Variants in POLH observed in about 807,000 individuals in gnomAD.
POLH encodes DNA polymerase eta transcript.
A neutral mutation model predicts 73.6 loss-of-function variants in POLH; 53 were observed. That is an observed-to-expected ratio of 0.72 (90% CI 0.58 to 0.91). The LOEUF is 0.91. POLH is among the 40% of genes least tolerant of loss of function. The pLI, the probability that POLH is intolerant of heterozygous loss-of-function variation, is 0.00. For synonymous variants in POLH, 292 were observed against 308.5 expected (o/e 0.95, Z 0.56); for missense variants, 768 against 865.4 (o/e 0.89, Z 1.41).
intron 1 of POLH, among the ~76,000 whole-genome samples, chr6:43,577,420 A>G (rs1763488924): frequency 6.6e-6 from 1 of 152,180 alleles, no homozygotes; most frequent in Non-Finnish European, 1.5e-5. Context: ...CTGTTCCAGT[A>G]CTACTGAAAA....
chr6:43,586,221 G>A (rs1764805675), intron 3 of POLH, among the ~76,000 whole-genome samples: 1 of 152,108 alleles, frequency 6.6e-6, no homozygotes, highest in South Asian at 2.1e-4. Context: ...GCTCACGCCG[G>A]TAATCCCAGC....
chr6:43,590,125 G>A (rs533460260), intron 4 of POLH, among the ~76,000 whole-genome samples: 62 of 151,314 alleles, frequency 4.1e-4, no homozygotes, highest in Non-Finnish European at 7.2e-4. Context: ...TTGGGAGGCC[G>A]AGGTGGGTGG....
At chr6:43,599,971 C>T (rs935186582) in intron 5 of POLH, among the ~76,000 whole-genome samples, 2 of 151,800 alleles carry the variant, frequency 1.3e-5, no homozygotes, top group Non-Finnish European at 2.9e-5. Flanking sequence ...CCAGCCTGAC[C>T]AATATGGAGA....
intron 4 of POLH, among the ~76,000 whole-genome samples, chr6:43,594,237 A>G (rs988438054): frequency 9.9e-5 from 15 of 152,206 alleles, no homozygotes; most frequent in Non-Finnish European, 1.5e-5. Flanking sequence ...AAAGTCATAC[A>G]ATTACAGTAA....
At chr6:43,584,462 A>G (rs560924065) in intron 3 of POLH, among the ~76,000 whole-genome samples, 1 of 152,352 alleles carries the variant, frequency 6.6e-6, no homozygotes, top group South Asian at 2.1e-4. Context: ...AAGCACTGAA[A>G]TAGAGTATTG....
intron 4 of POLH, among the ~76,000 whole-genome samples, chr6:43,596,185 G>A (rs1582294413): frequency 6.6e-6 from 1 of 152,210 alleles, no homozygotes; most frequent in East Asian, 1.9e-4. Context: ...GAAGAACAGA[G>A]TTAAGGGGTA....
chr6:43,591,231 AC>A (rs1363169840), intron 4 of POLH: 1 of 152,194 alleles, frequency 6.6e-6, no homozygotes, highest in Non-Finnish European at 1.5e-5. Flanking sequence ...TTATTCTGGG[AC>A]CAGAGTCAGA....
chr6:43,578,196 G>A lies in POLH; in HGVS notation c.-5+1756G>A, dbSNP rs1261522298. On this transcript the variant is annotated intron_variant, in intron 1 of 10. Transcript: ENST00000372236. ...AAGGTCAGGAGTTAGAGACTAGCCTGGCCAACATGGTGAAACCCAGTCTCT... is the reference window on the plus strand; with the variant it reads ...AAGGTCAGGAGTTAGAGACTAGCCTAGCCAACATGGTGAAACCCAGTCTCT... 5.3e-5 allele frequency among the ~76,000 whole-genome samples: 8 copies of A among 152,102 alleles called. No homozygotes were observed. The East Asian group carries it at 1.5e-3, about 29-fold the overall frequency.
chr6:43,593,302 C>T (rs1765674498), intron 4 of POLH, among the ~76,000 whole-genome samples: 1 of 152,000 alleles, frequency 6.6e-6, no homozygotes, highest in South Asian at 2.1e-4. Context: ...CATTGCAGTC[C>T]CTTCCAAAAT....
At position 43,603,958 on chromosome 6, in the gene POLH, A is replaced by G; in HGVS notation, c.831A>G (p.Glu277=). 6.2e-7 allele frequency: 1 copy of G among 1,612,364 alleles called. No homozygotes were observed. Residue 277 remains glutamate (E), a synonymous_variant, in exon 7 of 11, where the codon GAA becomes GAG. Transcript: ENST00000372236. ...IEILGIEYMG[E]LTQFTESQLQ... is the part of the protein sequence containing the mutation. ...TCCTAGGGATAGAATACATGGGTGA[A>G]CTGACCCAGTTCACTGAATCCCAGC...
chr6:43,586,579 C>T (rs1317250669), intron 3 of POLH, among the ~76,000 whole-genome samples: 1 of 152,186 alleles, frequency 6.6e-6, no homozygotes, highest in Non-Finnish European at 1.5e-5. Flanking sequence ...AGAAGACATA[C>T]GATGAGATTG....
intron 8 of POLH, 37 bp from the exon 9 acceptor site, chr6:43,605,217 G>A (rs376692503): frequency 8.0e-6 from 10 of 1,246,272 alleles, no homozygotes; most frequent in African/African-American, 2.9e-5. Flanking sequence ...GACTTCGAGT[G>A]TTTAAATGAA....
chr6:43,612,440 G>A (rs533231607), intron 10 of POLH, among the ~76,000 whole-genome samples: 68 of 150,430 alleles, frequency 4.5e-4, no homozygotes, highest in African/African-American at 1.5e-3. Context: ...TCTGCCTCCC[G>A]GGTTCAAGCG....
intron 4 of POLH, among the ~76,000 whole-genome samples, chr6:43,588,924 G>A (rs1765137028): frequency 6.6e-6 from 1 of 151,296 alleles, no homozygotes; most frequent in African/African-American, 2.4e-5. Context: ...TGCAAGCTCC[G>A]CCTCCCGGGT....
In POLH at chr6:43,606,865, A is replaced by AC. The variant is rs558591879; in HGVS notation, c.1074+1552dup. ...TCTACAATTTTAGAGCATTTTTATC[A>AC]CCCCCCAAAAGAAATCCTGTGCCCA... is the stretch of plus-strand genomic sequence containing the variant. On this transcript the variant is annotated intron_variant, in intron 9 of 10. Transcript: ENST00000372236. Among the ~76,000 whole-genome samples, 309 of 151,670 alleles carry AC rather than the reference A, an allele frequency of 2.0e-3. 1 individual carries two copies. Among genetic ancestry groups the AC allele is most frequent in the Non-Finnish European group, 3.6e-3 (243 of 67,920 alleles).
chr6:43,579,962 G>T (rs1490355276), intron 1 of POLH, among the ~76,000 whole-genome samples: 1 of 145,762 alleles, frequency 6.9e-6, no homozygotes, highest in Non-Finnish European at 1.5e-5. Context: ...CACAGAGGGG[G>T]ATTTGGCAGG....
intron 4 of POLH, among the ~76,000 whole-genome samples, chr6:43,590,392 A>G (rs915169020): frequency 6.6e-6 from 1 of 151,212 alleles, no homozygotes; most frequent in Non-Finnish European, 1.5e-5. Context: ...CTTTTGTGAT[A>G]ATGTTAGATT....
intron 5 of POLH, among the ~76,000 whole-genome samples, chr6:43,599,945 G>A (rs560734523): frequency 1.3e-5 from 2 of 152,000 alleles, no homozygotes; most frequent in Non-Finnish European, 2.9e-5. Context: ...GATCACCTGA[G>A]GTTGGGAGTT....
At chr6:43,586,314 A>G (rs1019773579) in intron 3 of POLH, among the ~76,000 whole-genome samples, 2 of 152,046 alleles carry the variant, frequency 1.3e-5, no homozygotes, top group Non-Finnish European at 2.9e-5. Flanking sequence ...CCCTGTCTCT[A>G]CTAAAAATAC....
Sources: gnomAD v4.1 joint callset for allele counts (sites outside exome capture counted in the v4.1 genomes callset) on GRCh38, gnomAD v4.1.1 for gene constraint, MANE v1.5 for transcripts, NCBI Gene and HGNC (gene_info 2026-07-23, HGNC 2026-07-21) for gene names.